The following STAG2 variants were observed in gnomAD, a reference collection of about 807,000 sequenced individuals.
STAG2 encodes the protein cohesin subunit SA-2.
STAG2 carries 14 observed loss-of-function variants against 108.1 expected under a neutral mutation model. The observed-to-expected ratio is 0.13, with a 90% CI of 0.09 to 0.20. The LOEUF (loss-of-function observed/expected upper bound fraction) is 0.20, where lower values mean the gene tolerates loss of function less well. STAG2 is among the 10% of genes least tolerant of loss of function. The pLI, the probability that STAG2 is intolerant of heterozygous loss-of-function variation, is 1.00. For synonymous variants in STAG2, 307 were observed against 302.7 expected (o/e 1.01, Z -0.15); for missense variants, 440 against 940.9 (o/e 0.47, Z 6.96).
chrX:123,963,231 C>T (rs1165957432), intron 1 of STAG2: 1 of 111,564 alleles, frequency 9.0e-6, no homozygotes, highest in Admixed American at 9.5e-5. Flanking sequence ...CCTCGCAGCA[C>T]TTTTCTGCCA....
At position 124,101,811 on chromosome X, in the gene STAG2, T is replaced by G. The variant is rs1396958082; in HGVS notation, c.*1214T>G. On this transcript the variant is annotated 3_prime_UTR_variant, in exon 35 of 35. Coordinates refer to ENST00000371145, the MANE Select transcript of STAG2 (RefSeq NM_001042750.2). ...TTTGAAAGCTAAGCTTTAAACTTCA[T>G]TTTATGTCCTTTCACAAATAAATTA... is the stretch of plus-strand genomic sequence containing the variant. 3 of 160,214 alleles carry G rather than the reference T, an allele frequency of 1.9e-5. No homozygotes were observed. The highest frequency in any genetic ancestry group is 9.0e-5 in the African/African-American group (3 of 33,177). 13.2% of individuals were successfully genotyped at this position (160,214 alleles called of 1,213,427 possible).
intron 1 of STAG2, among the ~76,000 whole-genome samples, chrX:124,001,939 A>C (rs1199824615): frequency 8.9e-6 from 1 of 112,309 alleles, no homozygotes. Flanking sequence ...CAATCAAGAT[A>C]ACATCATGGC....
chrX:124,080,845 G>A (rs1433499488), intron 27 of STAG2, among the ~76,000 whole-genome samples: 1 of 111,826 alleles, frequency 8.9e-6, no homozygotes, highest in Non-Finnish European at 1.9e-5. Flanking sequence ...TTTAACCAAA[G>A]TCTCCTTGTT....
chrX:123,976,049 C>A (rs945709103), intron 1 of STAG2, among the ~76,000 whole-genome samples: 1 of 111,949 alleles, frequency 8.9e-6, no homozygotes, highest in Non-Finnish European at 1.9e-5. Flanking sequence ...CTTTGGGAGG[C>A]AGAGGTAGGA....
chrX:124,032,582 G>C (rs1284410561), intron 5 of STAG2, among the ~76,000 whole-genome samples: 1 of 110,407 alleles, frequency 9.1e-6, no homozygotes, highest in East Asian at 2.8e-4. Context: ...TAGTTTTTCA[G>C]TCCCCACCCC....
chrX:124,032,648 C>T (rs918622395), intron 5 of STAG2, among the ~76,000 whole-genome samples: 1 of 111,177 alleles, frequency 9.0e-6, no homozygotes, highest in Non-Finnish European at 1.9e-5. Flanking sequence ...CACATGTGCT[C>T]AATATTTAGC....
chrX:124,045,917 C>T (rs920274012), intron 8 of STAG2, among the ~76,000 whole-genome samples: 1 of 110,797 alleles, frequency 9.0e-6, no homozygotes, highest in East Asian at 2.8e-4. Flanking sequence ...GATGCCTGTT[C>T]TTTCAGTCAC....
At chrX:124,072,880 T>TTTTCTTTC (rs1173440485) in intron 25 of STAG2, among the ~76,000 whole-genome samples, 14 of 100,936 alleles carry the variant, frequency 1.4e-4, no homozygotes, top group African/African-American at 5.4e-4. Flanking sequence ...TTTCTTTTTT[T>TTTTCTTTC]TTTCTTTCTT....
At chrX:124,066,661 T>C (rs754991180) in intron 23 of STAG2, among the ~76,000 whole-genome samples, 1 of 112,047 alleles carries the variant, frequency 8.9e-6, no homozygotes, top group East Asian at 2.8e-4. Flanking sequence ...GGTGGCATAA[T>C]CTGTGGTTTT....
intron 26 of STAG2, among the ~76,000 whole-genome samples, chrX:124,076,946 A>G (rs1195170967): frequency 9.0e-6 from 1 of 110,693 alleles, no homozygotes; most frequent in Admixed American, 9.8e-5. Context: ...GATTTGATTA[A>G]CCATAGGTTA....
intron 33 of STAG2, among the ~76,000 whole-genome samples, chrX:124,095,084 C>T (rs752810838): frequency 3.6e-5 from 4 of 111,122 alleles, no homozygotes; most frequent in South Asian, 3.8e-4. Context: ...CCCGCAACCA[C>T]GCCCGGATAA....
intron 13 of STAG2, among the ~76,000 whole-genome samples, chrX:124,054,694 G>A (rs1045846628): frequency 3.6e-5 from 4 of 111,601 alleles, no homozygotes; most frequent in Non-Finnish European, 7.5e-5. Flanking sequence ...TCTTAGAAAC[G>A]TTCCTTTTCA....
chrX:124,052,787 C>A (rs2058081161), intron 13 of STAG2, among the ~76,000 whole-genome samples: 1 of 110,053 alleles, frequency 9.1e-6, no homozygotes, highest in South Asian at 3.8e-4. Context: ...TTCACATTCC[C>A]ACCAGCAATG....
chrX:124,056,329 A>G, intron 14 of STAG2, 94 bp downstream of exon 14: 1 of 446,012 alleles, frequency 2.2e-6, no homozygotes, highest in Non-Finnish European at 3.4e-6. Context: ...TATATATATA[A>G]CTTATTTTAA....
intron 14 of STAG2, 76 bp downstream of exon 14, chrX:124,056,311 TAA>T (rs2058192945): frequency 1.8e-6 from 1 of 566,323 alleles, no homozygotes; most frequent in African/African-American, 2.3e-5. Flanking sequence ...TACTTGACAT[TAA>T]GATTATATAT....
At chrX:124,014,202 C>G (rs1180265587) in intron 1 of STAG2, among the ~76,000 whole-genome samples, 1 of 111,678 alleles carries the variant, frequency 9.0e-6, no homozygotes, top group African/African-American at 3.3e-5. Flanking sequence ...TGTAGTGATG[C>G]TGTATCTGTA....
At chrX:124,004,049 G>A (rs1569499723) in intron 1 of STAG2, among the ~76,000 whole-genome samples, 1 of 111,865 alleles carries the variant, frequency 8.9e-6, no homozygotes, top group Non-Finnish European at 1.9e-5. Context: ...GTAGCATTAA[G>A]TGCTTTCACA....
chrX:124,025,437 C>T (rs2057061828), intron 3 of STAG2, among the ~76,000 whole-genome samples: 1 of 111,000 alleles, frequency 9.0e-6, no homozygotes, highest in East Asian at 2.8e-4. Context: ...TCATAAAACT[C>T]CCTAATAAAG....
At chrX:124,001,577 T>A (rs2147843006) in intron 1 of STAG2, among the ~76,000 whole-genome samples, 1 of 111,730 alleles carries the variant, frequency 9.0e-6, no homozygotes, top group East Asian at 2.8e-4. Flanking sequence ...CCATTTTTTA[T>A]CTTTTATATG....
Sources: gnomAD v4.1 joint callset for allele counts (sites outside exome capture counted in the v4.1 genomes callset) on GRCh38, gnomAD v4.1.1 for gene constraint, MANE v1.5 for transcripts, NCBI Gene and HGNC (gene_info 2026-07-23, HGNC 2026-07-21) for gene names.